ZNF385D: variants seen among roughly 807,000 people sequenced by gnomAD.
ZNF385D encodes zinc finger protein 659.
In ZNF385D, 15 loss-of-function variants were observed where a neutral mutation model predicts 35.8. That is an observed-to-expected ratio of 0.42 (90% CI 0.28 to 0.64). The LOEUF (loss-of-function observed/expected upper bound fraction) is 0.64. Ranked by LOEUF, ZNF385D falls within the 30% of genes least tolerant of loss-of-function variation. ZNF385D has a pLI of 0.23. For synonymous variants in ZNF385D, 212 were observed against 186.8 expected, an observed-to-expected ratio of 1.13 and a Z score of -1.10; for missense variants, 474 against 494.6, an observed-to-expected ratio of 0.96 and a Z score of 0.39.
At chr3:22,107,152 T>C (rs889074038) in intron 3 of ZNF385D, among the ~76,000 whole-genome samples, 1 of 150,480 alleles carries the variant, frequency 6.6e-6, no homozygotes, top group African/African-American at 2.5e-5. Flanking sequence ...AGCCCCGGAG[T>C]AGCTGGGATT....
rs1393279400 is a variant in ZNF385D at position 22,293,907 on chromosome 3, T to G, written c.106+78543A>C. Among the ~76,000 whole-genome samples the G allele has an allele frequency of 2.6e-5, 4 of 152,128 alleles. No individual in the cohort carries two copies. The East Asian group carries it at 7.7e-4, about 29-fold the overall frequency. On this transcript the variant is annotated intron_variant, in intron 2 of 5. Coordinates refer to the ZNF385D transcript ENST00000494108. ...AGTTTACAAGCACTGGTCTTAGGGT[T>G]CATCTGGGGTTTCTTCTACTTCCTA... is the stretch of plus-strand genomic sequence containing the variant.
At chr3:21,432,105 A>G (rs1159189758) in intron 5 of ZNF385D, among the ~76,000 whole-genome samples, 1 of 152,058 alleles carries the variant, frequency 6.6e-6, no homozygotes, top group Non-Finnish European at 1.5e-5. Flanking sequence ...TGCGGGACAG[A>G]TTTTGCCTCC....
chr3:21,808,787 A>C (rs1413811619), intron 3 of ZNF385D, among the ~76,000 whole-genome samples: 1 of 152,334 alleles, frequency 6.6e-6, no homozygotes, highest in East Asian at 1.9e-4. Flanking sequence ...CAATACATGA[A>C]TCCAACCAGA....
At position 21,564,645 on chromosome 3, in the gene ZNF385D, C is replaced by T. The variant is rs1416947823; in HGVS notation, c.205G>A (p.Gly69Arg). The change falls in exon 3 of 8, where the codon GGG becomes AGG. Residue 69 changes from glycine to arginine, a missense_variant. Physicochemically the swap from Gly to Arg is moderately radical, Grantham distance 125. Transcript: ENST00000281523. ...TTTCTTCGGTGGGGAAGAGGAACCC[C>T]GAATGTATGGTTTATTACAGCTTTC... Reference protein sequence around the residue: ...IQKAVINHTFGVPLPHRRKQI... With the variant: ...IQKAVINHTFRVPLPHRRKQI... The T allele has an allele frequency of 7.0e-6, 11 of 1,580,186 alleles. No individual in the cohort carries two copies. The highest frequency in any genetic ancestry group is 5.3e-5 in the Admixed American group (3 of 56,178).
intron 3 of ZNF385D, among the ~76,000 whole-genome samples, chr3:21,974,475 G>GA (rs1365547109): frequency 6.6e-6 from 1 of 151,826 alleles, no homozygotes; most frequent in Non-Finnish European, 1.5e-5. Context: ...AAACTACTAG[G>GA]AAAAAATTGG....
chr3:22,125,428 T>A (rs1435973495), intron 3 of ZNF385D, among the ~76,000 whole-genome samples: 1 of 151,938 alleles, frequency 6.6e-6, no homozygotes, highest in Non-Finnish European at 1.5e-5. Flanking sequence ...ATTTTTAGGA[T>A]TTTTTTTCTA....
At chr3:21,885,603 T>G (rs1698498515) in intron 3 of ZNF385D, among the ~76,000 whole-genome samples, 1 of 151,938 alleles carries the variant, frequency 6.6e-6, no homozygotes, top group African/African-American at 2.4e-5. Context: ...TTATAAGACA[T>G]TTGCAATGAA....
chr3:22,038,605 T>A (rs1166158405), intron 3 of ZNF385D, among the ~76,000 whole-genome samples: 3 of 152,186 alleles, frequency 2.0e-5, no homozygotes, highest in Non-Finnish European at 4.4e-5. Context: ...CAGTCCTCAT[T>A]TGCTTTTTTA....
intron 3 of ZNF385D, among the ~76,000 whole-genome samples, chr3:21,550,716 C>T (rs1044005775): frequency 1.3e-5 from 2 of 152,290 alleles, no homozygotes; most frequent in African/African-American, 2.4e-5. Context: ...TTCCTGACCT[C>T]GTGATCCACC....
At chr3:22,167,884 C>T (rs1026467413) in intron 3 of ZNF385D, among the ~76,000 whole-genome samples, 1 of 152,146 alleles carries the variant, frequency 6.6e-6, no homozygotes, top group Non-Finnish European at 1.5e-5. Context: ...TAGAATACTA[C>T]AGTTCATTCA....
intron 2 of ZNF385D, among the ~76,000 whole-genome samples, chr3:22,289,986 G>A (rs963476827): frequency 2.8e-4 from 43 of 152,144 alleles, no homozygotes; most frequent in Non-Finnish European, 5.7e-4. Context: ...GGAAAAACTG[G>A]AAGCTTTGAG....
At chr3:22,031,334 T>G (rs1697988698) in intron 3 of ZNF385D, among the ~76,000 whole-genome samples, 1 of 152,262 alleles carries the variant, frequency 6.6e-6, no homozygotes, top group South Asian at 2.1e-4. Flanking sequence ...GCTCTGCCCC[T>G]GCAGCAGGCT....
intron 1 of ZNF385D, among the ~76,000 whole-genome samples, chr3:21,742,867 T>C (rs895706495): frequency 2.6e-5 from 4 of 152,222 alleles, no homozygotes; most frequent in African/African-American, 4.8e-5. Flanking sequence ...GCATGGTTCC[T>C]AGTTTGACCC....
chr3:21,982,783 G>A (rs2125374189), intron 3 of ZNF385D, among the ~76,000 whole-genome samples: 1 of 150,790 alleles, frequency 6.6e-6, no homozygotes, highest in South Asian at 2.1e-4. Context: ...ATTTAGAGTT[G>A]TTAACATGAA....
At chr3:21,824,919 A>G (rs1023841021) in intron 3 of ZNF385D, among the ~76,000 whole-genome samples, 1 of 152,210 alleles carries the variant, frequency 6.6e-6, no homozygotes, top group African/African-American at 2.4e-5. Context: ...CTATAATATG[A>G]TAATGTGGCA....
intron 2 of ZNF385D, among the ~76,000 whole-genome samples, chr3:22,299,286 G>C (rs1575069225): frequency 6.6e-6 from 1 of 151,758 alleles, no homozygotes; most frequent in East Asian, 1.9e-4. Flanking sequence ...GAACAAAAAA[G>C]AACAAGTAAA....
intron 3 of ZNF385D, among the ~76,000 whole-genome samples, chr3:21,776,407 A>T (rs2071290179): frequency 6.6e-6 from 1 of 151,928 alleles, no homozygotes; most frequent in Admixed American, 6.6e-5. Flanking sequence ...GTGACGGCTC[A>T]GTTTTACTCC....
chr3:22,208,867 T>C (rs1192775952), intron 2 of ZNF385D, among the ~76,000 whole-genome samples: 1 of 151,936 alleles, frequency 6.6e-6, no homozygotes, highest in African/African-American at 2.4e-5. Flanking sequence ...TAGTCCTTGA[T>C]GCTGAAAAGG....
At chr3:22,170,824 G>C (rs540294315) in intron 2 of ZNF385D, among the ~76,000 whole-genome samples, 2 of 152,130 alleles carry the variant, frequency 1.3e-5, no homozygotes, top group South Asian at 4.1e-4. Flanking sequence ...CTCAAATATT[G>C]TTAAGTAGTA....
Sources: allele counts gnomAD v4.1 joint callset (sites outside exome capture counted in the v4.1 genomes callset), GRCh38; gene constraint gnomAD v4.1.1; transcripts MANE v1.5; gene names NCBI Gene and HGNC (gene_info 2026-07-23, HGNC 2026-07-21).